HSDL1: variants seen among roughly 807,000 people sequenced by gnomAD.
The protein encoded by HSDL1 is inactive hydroxysteroid dehydrogenase-like protein 1.
Under a neutral mutation model 31.5 loss-of-function variants are expected in HSDL1, and 29 were observed. That is an observed-to-expected ratio of 0.92 (90% CI 0.69 to 1.26). HSDL1 has a LOEUF of 1.26. HSDL1 is among the 50% of genes most tolerant of loss of function. HSDL1 has a pLI of 0.00. For synonymous variants in HSDL1, 222 were observed against 155.2 expected (o/e 1.43, Z -3.20); for missense variants, 503 against 416.6 (o/e 1.21, Z -1.81).
intron 3 of HSDL1, chr16:84,130,897 A>G (rs996122381): frequency 1.4e-5 from 8 of 576,754 alleles, no homozygotes; most frequent in African/African-American, 1.3e-4. Flanking sequence ...AGAGAGCAGA[A>G]TAGGAAGGAT....
chr16:84,145,062 G>A lies in HSDL1; in HGVS notation c.-69+18C>T, dbSNP rs1009755497. 4 of 154,990 alleles carry A rather than the reference G, an allele frequency of 2.6e-5. No individual in the cohort carries two copies. The highest frequency in any genetic ancestry group is 9.7e-5 in the African/African-American group (4 of 41,426). The allele number at this position is 154,990 out of a possible 1,614,324, so 9.6% of individuals were successfully genotyped here. On this transcript the variant is annotated intron_variant, in intron 1 of 5. Coordinates refer to ENST00000219439, the MANE Select transcript of HSDL1 (RefSeq NM_031463.5). ...AAAGGACCGCGAGAGGGCGCCCAGG[G>A]CGCGGGGGGCGCGGTACCTGCAGGC... is the stretch of plus-strand genomic sequence containing the variant.
intron 2 of HSDL1, among the ~76,000 whole-genome samples, chr16:84,131,530 T>TATCTATCAATCAATCA (rs1555517128): frequency 6.8e-6 from 1 of 146,140 alleles, no homozygotes; most frequent in Non-Finnish European, 1.5e-5. Flanking sequence ...TCTATCTATC[T>TATCTATCAATCAATCA]ATCAGACAGA....
At chr16:84,126,243 A>G (rs972562994) in intron 5 of HSDL1, among the ~76,000 whole-genome samples, 1 of 152,198 alleles carries the variant, frequency 6.6e-6, no homozygotes. Context: ...AAAACAGGTC[A>G]GAAACACCAG....
intron 1 of HSDL1, among the ~76,000 whole-genome samples, chr16:84,140,039 C>A (rs1447537840): frequency 6.6e-6 from 1 of 152,144 alleles, no homozygotes; most frequent in Non-Finnish European, 1.5e-5. Flanking sequence ...AACATGTCAG[C>A]CCTGGGGAGA....
intron 2 of HSDL1, among the ~76,000 whole-genome samples, chr16:84,132,620 C>T (rs1180112443): frequency 1.3e-5 from 2 of 152,162 alleles, no homozygotes; most frequent in African/African-American, 4.8e-5. Context: ...AACTAAATGA[C>T]CGTCCCTAGG....
At position 84,124,613 on chromosome 16, in the gene HSDL1, C is replaced by T. The variant is rs755602548; in HGVS notation, c.*17G>A. ...GTTCCCAGGAGTTGGCAAAACTTCT[C>T]AAGTGGCCATCCAGACTCAGGCTGT... On this transcript the variant is annotated 3_prime_UTR_variant, in exon 6 of 6. Coordinates refer to ENST00000219439, the MANE Select transcript of HSDL1 (RefSeq NM_031463.5). 2 of 1,567,852 alleles carry T rather than the reference C, an allele frequency of 1.3e-6. No individual in the cohort carries two copies. The highest frequency in any genetic ancestry group is 2.2e-5 in the South Asian group (2 of 89,856).
intron 5 of HSDL1, among the ~76,000 whole-genome samples, chr16:84,128,768 C>G (rs1166545421): frequency 6.6e-6 from 1 of 151,412 alleles, no homozygotes. Flanking sequence ...AGTGCAGTAG[C>G]GTGATCTTGG....
chr16:84,141,898 G>T (rs1298259271), intron 1 of HSDL1, among the ~76,000 whole-genome samples: 1 of 151,936 alleles, frequency 6.6e-6, no homozygotes, highest in Non-Finnish European at 1.5e-5. Context: ...TATGTTTTGT[G>T]TCTCATTATA....
rs759750551 is a variant in HSDL1, at chr16:84,129,744, T to C, written c.698A>G (p.Gln233Arg). The change falls in exon 5 of 6, where the codon CAA (glutamine) becomes CGA (arginine). Residue 233 changes from glutamine (Q) to arginine (R), a missense_variant. Physicochemically the swap from Gln to Arg is conservative, Grantham distance 43 (BLOSUM62 1). Coordinates refer to ENST00000219439, the MANE Select transcript of HSDL1 (RefSeq NM_031463.5). ...AYLDHFSRAL[Q>R]YEYASKGIFV... Reference sequence around the variant, plus strand: ...GATTCCTTTAGAGGCATATTCATATTGCAAGGCTCTGCTGAAGTGGTCTAA... The same window carrying C: ...GATTCCTTTAGAGGCATATTCATATCGCAAGGCTCTGCTGAAGTGGTCTAA... The C allele has an allele frequency of 1.2e-6, 2 of 1,614,046 alleles. No homozygotes were observed. The highest frequency in any genetic ancestry group is 1.3e-5 in the African/African-American group (1 of 74,934).
intron 1 of HSDL1, among the ~76,000 whole-genome samples, chr16:84,138,193 C>T (rs1361627442): frequency 1.3e-5 from 2 of 152,184 alleles, no homozygotes; most frequent in Non-Finnish European, 2.9e-5. Context: ...CCTAGAGAAA[C>T]CCATGATGTG....
intron 4 of HSDL1, 62 bp from the exon 5 acceptor site, chr16:84,129,837 A>G: frequency 8.1e-6 from 12 of 1,482,106 alleles, no homozygotes; most frequent in East Asian, 2.3e-5. Context: ...ATTCAGGAGA[A>G]AAAAAGACTT....
chr16:84,139,117 T>C (rs1481630968), intron 1 of HSDL1: 1 of 151,932 alleles, frequency 6.6e-6, no homozygotes, highest in Non-Finnish European at 1.5e-5. Context: ...GCAAGCAGGA[T>C]GGAAAAAAAG....
intron 1 of HSDL1, among the ~76,000 whole-genome samples, chr16:84,141,402 A>G (rs1000544994): frequency 1.3e-5 from 2 of 151,666 alleles, no homozygotes; most frequent in Non-Finnish European, 2.9e-5. Flanking sequence ...ATACACCACG[A>G]TTCACAGGTC....
At position 84,129,544 on chromosome 16, in the gene HSDL1, C is replaced by A. The variant is rs1215680467; in HGVS notation, c.894+4G>T. The A allele has an allele frequency of 6.2e-7, 1 of 1,602,570 alleles. No homozygotes were observed. Among genetic ancestry groups the A allele is most frequent in the African/African-American group, 1.3e-5 (1 of 74,700 alleles). ...TAATTATGAGACCTGAAGCACACTC[C>A]TACCTGAATAGAATGGGACCAATAT... On this transcript the variant is annotated splice_donor_region_variant and intron_variant, in intron 5 of 5. Transcript: ENST00000219439.
At chr16:84,136,215 G>A (rs1418783443) in intron 1 of HSDL1, among the ~76,000 whole-genome samples, 1 of 152,238 alleles carries the variant, frequency 6.6e-6, no homozygotes, top group Non-Finnish European at 1.5e-5. Context: ...GTGGCAGGGA[G>A]GAAGGCGTCC....
At chr16:84,143,716 G>T (rs1048373286) in intron 1 of HSDL1, among the ~76,000 whole-genome samples, 1 of 151,954 alleles carries the variant, frequency 6.6e-6, no homozygotes, top group African/African-American at 2.4e-5. Context: ...CACAAACTTG[G>T]CCGGGTACAG....
chr16:84,142,555 C>T (rs1400030870), intron 1 of HSDL1, among the ~76,000 whole-genome samples: 1 of 150,962 alleles, frequency 6.6e-6, no homozygotes, highest in Non-Finnish European at 1.5e-5. Flanking sequence ...TCTGCCTCAG[C>T]CTCCCAAGTA....
intron 2 of HSDL1, among the ~76,000 whole-genome samples, chr16:84,131,571 G>C (rs1334695519): frequency 3.3e-5 from 5 of 152,062 alleles, no homozygotes; most frequent in Admixed American, 3.3e-4. Flanking sequence ...CTGGAGTGCA[G>C]TGGTGCGATT....
intron 5 of HSDL1, among the ~76,000 whole-genome samples, chr16:84,128,516 A>G (rs1174651867): frequency 6.6e-6 from 1 of 152,164 alleles, no homozygotes; most frequent in Non-Finnish European, 1.5e-5. Flanking sequence ...AAATTAGTCT[A>G]AGACTATACA....
Sources: gnomAD v4.1 joint callset for allele counts (sites outside exome capture counted in the v4.1 genomes callset) on GRCh38, gnomAD v4.1.1 for gene constraint, MANE v1.5 for transcripts, NCBI Gene and HGNC (gene_info 2026-07-23, HGNC 2026-07-21) for gene names.